Variants in RASA2 observed in about 807,000 individuals in gnomAD.
RASA2 encodes RAS p21 protein activator 2.
Under a neutral mutation model 118.2 loss-of-function variants are expected in RASA2, and 155 were observed. The observed-to-expected ratio is 1.31, with a 90% CI of 1.15 to 1.50. The LOEUF is 1.50. RASA2 is among the 40% of genes most tolerant of loss of function. RASA2 has a pLI of 0.00. For missense variants in RASA2, 1,016 were observed against 1,009.6 expected, an observed-to-expected ratio of 1.01 and a Z score of -0.09; for synonymous variants, 353 against 349.1, an observed-to-expected ratio of 1.01 and a Z score of -0.12.
intron 1 of RASA2, among the ~76,000 whole-genome samples, chr3:141,489,369 A>G (rs972851943): frequency 1.3e-5 from 2 of 152,240 alleles, no homozygotes; most frequent in Non-Finnish European, 2.9e-5. Flanking sequence ...CCTGAAACTA[A>G]CATGTGGGTT....
chr3:141,537,839 C>G (rs1213443777), intron 4 of RASA2, among the ~76,000 whole-genome samples: 1 of 152,118 alleles, frequency 6.6e-6, no homozygotes, highest in African/African-American at 2.4e-5. Context: ...CACTGCTTTC[C>G]TCATTTTTTC....
intron 1 of RASA2, 152 bp from the exon 2 acceptor site, chr3:141,512,011 T>A: frequency 1.7e-6 from 1 of 594,136 alleles, no homozygotes; most frequent in Non-Finnish European, 2.9e-6. Flanking sequence ...ACAATCTCCT[T>A]TAGACCAGCT....
rs1366091640 is a variant in RASA2, at chr3:141,570,996, A to G, written c.948A>G (p.Thr316=). 1.9e-6 allele frequency: 3 copies of G among 1,612,686 alleles called. No homozygotes were observed. Among genetic ancestry groups the G allele is most frequent in the Non-Finnish European group, 2.5e-6 (3 of 1,179,290 alleles). ...CTCTTCGATTAAATATATGTTATAC[A>G]GAAGACTACGTGCTTCCTTCAGAGT... is the stretch of plus-strand genomic sequence containing the variant. ...LGSLRLNICY[T]EDYVLPSEYY... Residue 316 remains threonine (T), a synonymous_variant, in exon 10 of 24, where the codon ACA becomes ACG. Coordinates refer to ENST00000286364, the MANE Select transcript of RASA2 (RefSeq NM_006506.5).
intron 5 of RASA2, among the ~76,000 whole-genome samples, chr3:141,546,362 C>T (rs1393900904): frequency 6.6e-6 from 1 of 152,144 alleles, no homozygotes; most frequent in Non-Finnish European, 1.5e-5. Context: ...TTACGCATGT[C>T]TTTTGGATAA....
chr3:141,549,848 A>AG (rs1481508408), intron 5 of RASA2, among the ~76,000 whole-genome samples: 6 of 152,154 alleles, frequency 3.9e-5, no homozygotes, highest in African/African-American at 1.4e-4. Context: ...GTGCTAAAAA[A>AG]TAATGGGGAT....
chr3:141,569,947 G>C (rs2082889943), intron 9 of RASA2, among the ~76,000 whole-genome samples: 1 of 152,106 alleles, frequency 6.6e-6, no homozygotes, highest in South Asian at 2.1e-4. Context: ...ATCCATGTTA[G>C]TGCAAAGGAC....
intron 1 of RASA2, among the ~76,000 whole-genome samples, chr3:141,502,057 T>C (rs992802036): frequency 6.6e-5 from 10 of 152,344 alleles, no homozygotes; most frequent in Middle Eastern, 3.4e-3. Flanking sequence ...GAAATACTCA[T>C]TGGAGCATTT....
In RASA2 at chr3:141,586,114, T is replaced by C; in HGVS notation, c.1826+16T>C. 1 of 1,574,848 alleles carries C rather than the reference T, an allele frequency of 6.3e-7. No homozygotes were observed. The highest frequency in any genetic ancestry group is 8.7e-7 in the Non-Finnish European group (1 of 1,145,586). On this transcript the variant is annotated intron_variant, in intron 18 of 23. Coordinates refer to ENST00000286364, the MANE Select transcript of RASA2 (RefSeq NM_006506.5). ...TGAAAGAAGGGTAATTTAATCAAAT[T>C]AGACGTGAAAGTCATATATCAGTAT... is the stretch of plus-strand genomic sequence containing the variant.
chr3:141,506,841 A>G (rs777893855), intron 1 of RASA2, among the ~76,000 whole-genome samples: 1 of 151,456 alleles, frequency 6.6e-6, no homozygotes, highest in Non-Finnish European at 1.5e-5. Context: ...ACGTGAGTCC[A>G]GGAAGGCGAG....
At chr3:141,608,434 G>A in intron 20 of RASA2, 55 bp from the exon 21 acceptor site, 1 of 1,521,946 alleles carries the variant, frequency 6.6e-7, no homozygotes. Context: ...GTTTTGTACT[G>A]TGTGTTGGTT....
At chr3:141,526,815 GT>G (rs1421994662) in intron 3 of RASA2, among the ~76,000 whole-genome samples, 5 of 152,164 alleles carry the variant, frequency 3.3e-5, no homozygotes, top group Non-Finnish European at 7.3e-5. Context: ...TCAGAGAAGG[GT>G]TTCCCTCTCA....
chr3:141,535,610 A>G (rs557318676), intron 4 of RASA2, among the ~76,000 whole-genome samples: 1 of 152,176 alleles, frequency 6.6e-6, no homozygotes, highest in Non-Finnish European at 1.5e-5. Flanking sequence ...TACAGGAAGT[A>G]TGGTGCTGGC....
chr3:141,564,032 T>C (rs954166094), intron 9 of RASA2, among the ~76,000 whole-genome samples: 58 of 151,906 alleles, frequency 3.8e-4, no homozygotes, highest in African/African-American at 1.3e-3. Context: ...TTTCTTATCC[T>C]GCAAAGAAAA....
intron 23 of RASA2, among the ~76,000 whole-genome samples, chr3:141,610,881 T>G (rs1376562378): frequency 2.6e-5 from 4 of 152,040 alleles, no homozygotes; most frequent in Non-Finnish European, 5.9e-5. Context: ...TGATCCTCCT[T>G]CTACAGTACA....
chr3:141,505,271 G>C (rs893624360), intron 1 of RASA2, among the ~76,000 whole-genome samples: 2 of 152,150 alleles, frequency 1.3e-5, no homozygotes, highest in Non-Finnish European at 2.9e-5. Context: ...TATATCCCCA[G>C]CACTTAGAAC....
At chr3:141,503,839 A>G (rs2081822349) in intron 1 of RASA2, among the ~76,000 whole-genome samples, 2 of 152,220 alleles carry the variant, frequency 1.3e-5, no homozygotes. Flanking sequence ...TTTATTTTCA[A>G]AACGTCTCTG....
At chr3:141,576,020 A>G (rs946069622) in intron 14 of RASA2, among the ~76,000 whole-genome samples, 4 of 152,002 alleles carry the variant, frequency 2.6e-5, no homozygotes, top group Non-Finnish European at 5.9e-5. Context: ...CAGATGATCC[A>G]CCTGCCTCGG....
At chr3:141,535,254 T>C (rs963616461) in intron 4 of RASA2, among the ~76,000 whole-genome samples, 6 of 152,212 alleles carry the variant, frequency 3.9e-5, no homozygotes, top group African/African-American at 9.6e-5. Context: ...ATGTAACTTA[T>C]ATACACTAGA....
At chr3:141,566,151 C>A (rs1023620455) in intron 9 of RASA2, among the ~76,000 whole-genome samples, 4 of 152,166 alleles carry the variant, frequency 2.6e-5, no homozygotes, top group Non-Finnish European at 5.9e-5. Context: ...TCTCAGCATT[C>A]CAGCTAAGTG....
Sources: gnomAD v4.1 joint callset for allele counts (sites outside exome capture counted in the v4.1 genomes callset) on GRCh38, gnomAD v4.1.1 for gene constraint, MANE v1.5 for transcripts, NCBI Gene and HGNC (gene_info 2026-07-23, HGNC 2026-07-21) for gene names.